USP26: variants seen among roughly 807,000 people sequenced by gnomAD.
USP26 encodes ubiquitin carboxyl-terminal hydrolase 26.
For synonymous variants in USP26, 236 were observed against 240.6 expected (o/e 0.98, Z 0.18); for missense variants, 649 against 642.3 (o/e 1.01, Z -0.11).
At chrX:133,055,895 TTTAA>T (rs1231918604) in intron 5 of USP26, among the ~76,000 whole-genome samples, 1 of 111,924 alleles carries the variant, frequency 8.9e-6, no homozygotes, top group African/African-American at 3.3e-5. Flanking sequence ...TTCATTTAAC[TTTAA>T]TTACCTCCTA....
chrX:133,076,649 T>C (rs1168542440), intron 5 of USP26, among the ~76,000 whole-genome samples: 1 of 111,925 alleles, frequency 8.9e-6, no homozygotes, highest in Non-Finnish European at 1.9e-5. Context: ...TATTACTCAC[T>C]CTGAAAGAAA....
chrX:133,044,710 C>G (rs2067432441), intron 5 of USP26, among the ~76,000 whole-genome samples: 1 of 113,252 alleles, frequency 8.8e-6, no homozygotes, highest in Non-Finnish European at 1.9e-5. Context: ...ACGAGCGTCA[C>G]CCCCTGCTCC....
chrX:133,075,114 T>C (rs1433410720), intron 5 of USP26, among the ~76,000 whole-genome samples: 1 of 111,466 alleles, frequency 9.0e-6, no homozygotes, highest in Non-Finnish European at 1.9e-5. Flanking sequence ...CATACCTTTT[T>C]CTTCTCCAGT....
rs186126697 is a variant in USP26, at chrX:133,063,603, C to T, written c.-77+20104G>A. Among the ~76,000 whole-genome samples, 7 of 111,287 alleles carry T rather than the reference C, an allele frequency of 6.3e-5. No individual in the cohort carries two copies. The East Asian group carries it at 1.7e-3, about 27-fold the overall frequency. On this transcript the variant is annotated intron_variant, in intron 5 of 5. Coordinates refer to ENST00000511190, the MANE Select transcript of USP26 (RefSeq NM_031907.3). ...CATACTTAAATAAAAGAATTTTCAA[C>T]CCAGAATTTCATATCCAGACAAACT...
At position 133,027,336 on chromosome X, in the gene USP26, G is replaced by A. The variant is rs371221237; in HGVS notation, c.885C>T (p.His295=). Residue 295 remains histidine, a synonymous_variant, in exon 6 of 6, where the codon CAC becomes CAT. Coordinates refer to ENST00000511190, the MANE Select transcript of USP26 (RefSeq NM_031907.3). ...FFELFPEKIC[H]GLPNLGNTCY... ...AGGTGTTTCCCAAATTGGGGAGGCC[G>A]TGGCATATTTTCTCTGGAAATAATT... 42 of 1,208,074 alleles carry A rather than the reference G, an allele frequency of 3.5e-5. 1 individual carries two copies. The Admixed American group carries it at 4.4e-4, about 13-fold the overall frequency.
Position 133,026,452 on chromosome X carries a change from G to T in USP26, c.1769C>A (p.Ala590Glu). 8.3e-7 allele frequency: 1 copy of T among 1,208,302 alleles called. No homozygotes were observed. The highest frequency in any genetic ancestry group is 1.8e-5 in the South Asian group (1 of 56,735). Residue 590 changes from alanine (A) to glutamate (E), a missense_variant, in exon 6 of 6, where the codon GCA becomes GAA. Physicochemically the swap from Ala to Glu is moderately radical, Grantham distance 107. Transcript: ENST00000511190. The part of the protein sequence containing the change: ...TSGNISVSWP[A>E]TKESKDILAP... ...CAGGATATCTTTGGATTCCTTTGTTGCAGGCCATGATACACTGATGTTTCC... is the reference window on the plus strand; with the variant it reads ...CAGGATATCTTTGGATTCCTTTGTTTCAGGCCATGATACACTGATGTTTCC...
In USP26 at chrX:133,026,206, G is replaced by T. The variant is rs376733851; in HGVS notation, c.2015C>A (p.Ala672Asp). 3.3e-6 allele frequency: 4 copies of T among 1,208,003 alleles called. No homozygotes were observed. The African/African-American group carries it at 7.1e-5, about 21-fold the overall frequency. ...TGGGCTGCTGGCAGGTTTACCTCCA[G>T]CTTTGTGGAACTGACAAAGTGAGGT... The part of the protein sequence containing the change: ...EDTSLCQFHK[A>D]GGKPASSPGT... The change falls in exon 6 of 6, where the codon GCT (alanine) becomes GAT (aspartate). Residue 672 changes from alanine (A) to aspartate (D), a missense_variant. Ala to Asp is a moderately radical substitution (Grantham distance 126, BLOSUM62 -2). Transcript: ENST00000511190.
chrX:133,058,211 C>G (rs2067483124), intron 5 of USP26, among the ~76,000 whole-genome samples: 1 of 109,336 alleles, frequency 9.1e-6, no homozygotes, highest in South Asian at 4.1e-4. Context: ...GGACCAGAAC[C>G]TGTTCTATAA....
chrX:133,096,586 T>C (rs1344457030), intron 1 of USP26, among the ~76,000 whole-genome samples: 1 of 112,036 alleles, frequency 8.9e-6, no homozygotes, highest in African/African-American at 3.2e-5. Flanking sequence ...AGCTGATTCT[T>C]TCCAGGTCCA....
chrX:133,073,901 C>T (rs1335423001), intron 5 of USP26, among the ~76,000 whole-genome samples: 2 of 111,083 alleles, frequency 1.8e-5, no homozygotes, highest in Middle Eastern at 4.6e-3. Context: ...CTGACCTAGT[C>T]CCATATCTGG....
chrX:133,052,499 C>A (rs774975800), intron 5 of USP26, among the ~76,000 whole-genome samples: 1 of 112,617 alleles, frequency 8.9e-6, no homozygotes, highest in East Asian at 2.8e-4. Flanking sequence ...CTATTAAAGT[C>A]TATTCACATA....
chrX:133,040,849 C>A (rs913423347), intron 5 of USP26, among the ~76,000 whole-genome samples: 1 of 111,127 alleles, frequency 9.0e-6, no homozygotes, highest in Non-Finnish European at 1.9e-5. Context: ...TAGGTTTGGT[C>A]TTTTCACATA....
intron 5 of USP26, among the ~76,000 whole-genome samples, chrX:133,048,941 G>A (rs887279149): frequency 2.7e-5 from 3 of 111,866 alleles, no homozygotes; most frequent in African/African-American, 9.8e-5. Context: ...CTGAGGAGCT[G>A]CTGGACATGT....
chrX:133,031,240 C>T (rs1441557709), intron 5 of USP26, among the ~76,000 whole-genome samples: 3 of 112,040 alleles, frequency 2.7e-5, no homozygotes, highest in Admixed American at 9.5e-5. Context: ...AGTGGAAAGA[C>T]GGAGCCAGGT....
chrX:133,061,058 G>T (rs1302680341), intron 5 of USP26, among the ~76,000 whole-genome samples: 1 of 111,261 alleles, frequency 9.0e-6, no homozygotes, highest in Non-Finnish European at 1.9e-5. Context: ...GGTATCTGTG[G>T]GGATTCCTGG....
At chrX:133,032,341 A>G (rs2067380561) in intron 5 of USP26, among the ~76,000 whole-genome samples, 1 of 111,365 alleles carries the variant, frequency 9.0e-6, no homozygotes, top group Admixed American at 9.5e-5. Flanking sequence ...GTGAACAAAT[A>G]CCTAAATGTA....
At chrX:133,091,057 T>C (rs779755825) in intron 2 of USP26, among the ~76,000 whole-genome samples, 3 of 112,190 alleles carry the variant, frequency 2.7e-5, no homozygotes, top group South Asian at 3.7e-4. Context: ...AGAGTGAAAA[T>C]GAGCCCAGTG....
rs768082117 is a variant in USP26, at chrX:133,042,845, T to C, written c.-76-14549A>G. ...TAAGCATGTGAATGGCTAGACACTA[T>C]ACTCAAAAAGTAAGAGGGAAGACCT... On this transcript the variant is annotated intron_variant, in intron 5 of 5. Transcript: ENST00000511190. Among the ~76,000 whole-genome samples the C allele has an allele frequency of 3.6e-5, 4 of 110,856 alleles. No homozygotes were observed. In the South Asian group the frequency reaches 1.6e-3, roughly 43 times the overall value.
Position 133,096,632 on chromosome X carries a change from C to G in USP26, c.-393+398G>C, listed in dbSNP as rs946956387. Among the ~76,000 whole-genome samples, 12 of 112,191 alleles carry G rather than the reference C, an allele frequency of 1.1e-4. 1 individual carries two copies. The highest frequency in any genetic ancestry group is 3.2e-4 in the African/African-American group (10 of 30,896). On this transcript the variant is annotated intron_variant, in intron 1 of 5. Coordinates refer to ENST00000511190, the MANE Select transcript of USP26 (RefSeq NM_031907.3). ...AAGAGAGGCCAGGCGTGGTGACTCA[C>G]GCCTGTAATCCCAGCAGTGTGGGAC...
Sources: gnomAD v4.1 joint callset for allele counts (sites outside exome capture counted in the v4.1 genomes callset) on GRCh38, gnomAD v4.1.1 for gene constraint, MANE v1.5 for transcripts, NCBI Gene and HGNC (gene_info 2026-07-23, HGNC 2026-07-21) for gene names.